Variants in CABP1 observed in about 807,000 individuals in gnomAD.
CABP1 encodes calcium-binding protein 1.
In CABP1, 17 loss-of-function variants were observed where a neutral mutation model predicts 34.3. That is an observed-to-expected ratio of 0.50 (90% CI 0.34 to 0.74). CABP1 has a LOEUF of 0.74. Among genes scored for constraint, CABP1 ranks in the 30% least tolerant of loss-of-function variants. CABP1 has a pLI of 0.01. For missense variants in CABP1, 373 were observed against 511.1 expected (o/e 0.73, Z 2.61); for synonymous variants, 198 against 229.2 (o/e 0.86, Z 1.23).
rs60127123 is a variant in CABP1, at chr12:120,647,636, C to G, written c.654+6297C>G. 2.3e-3 allele frequency among the ~76,000 whole-genome samples: 328 copies of G among 143,872 alleles called. 9 individuals are homozygous for G. The East Asian group carries it at 0.057, about 25-fold the overall frequency. 94.4% of individuals were successfully genotyped at this position (143,872 alleles called of 152,430 possible). A position where few individuals can be genotyped will look rare whatever the true frequency, so the allele number is the denominator to read the frequency against. ...AGCCTGGAGTGCAATGACGCGATCTCGACTCACTGCAATCTCCGCCTCCCG... is the reference window on the plus strand; with the variant it reads ...AGCCTGGAGTGCAATGACGCGATCTGGACTCACTGCAATCTCCGCCTCCCG... On this transcript the variant is annotated intron_variant, in intron 1 of 5. Coordinates refer to ENST00000316803, the MANE Select transcript of CABP1 (RefSeq NM_001033677.2).
downstream of CABP1, among the ~76,000 whole-genome samples, chr12:120,671,070 G>A (rs937676290): frequency 6.6e-6 from 1 of 152,132 alleles, no homozygotes; most frequent in African/African-American, 2.4e-5. Context: ...TGGGTGTGGG[G>A]AGGAATGGAC....
rs1881056184 is a variant in CABP1, at chr12:120,667,160, G to C, written c.*260G>C. 1 of 571,280 alleles carries C rather than the reference G, an allele frequency of 1.8e-6. No individual in the cohort carries two copies. Among genetic ancestry groups the C allele is most frequent in the Non-Finnish European group, 3.1e-6 (1 of 318,928 alleles). 35.4% of individuals were successfully genotyped at this position (571,280 alleles called of 1,614,324 possible). On this transcript the variant is annotated 3_prime_UTR_variant, in exon 6 of 6. Coordinates refer to ENST00000316803, the MANE Select transcript of CABP1 (RefSeq NM_001033677.2). ...GGCAGAGGTCATGCCAGGCGCCAAG[G>C]GCCATGTGCCCAGCTGCTGCTGGCT...
chr12:120,660,317 G>A lies in CABP1; in HGVS notation c.807G>A (p.Leu269=), dbSNP rs2137361812. ...YMPTEMELIE[L]SQQINMNLGG... ...CCACCGAGATGGAGCTCATCGAACT[G>A]TCCCAGCAGATCAACATGAACCGTG... is the stretch of plus-strand genomic sequence containing the variant. Residue 269 remains leucine (L), a synonymous_variant, in exon 3 of 6, where the codon CTG becomes CTA. Coordinates refer to ENST00000316803, the MANE Select transcript of CABP1 (RefSeq NM_001033677.2). The surrounding 1 kb of genome is among the most constrained non-coding windows in gnomAD (Gnocchi z 5.0). 1.9e-6 allele frequency: 3 copies of A among 1,613,562 alleles called. No homozygotes were observed. The highest frequency in any genetic ancestry group is 2.5e-6 in the Non-Finnish European group (3 of 1,179,992).
chr12:120,675,424 T>A, the CABP1 span, among the ~76,000 whole-genome samples: 2 of 152,240 alleles, frequency 1.3e-5, no homozygotes, highest in Non-Finnish European at 2.9e-5. Context: ...CCTTGCATAA[T>A]GCTTAGTGGA....
At chr12:120,664,922 T>C (rs374277314) in intron 5 of CABP1, among the ~76,000 whole-genome samples, 2 of 149,630 alleles carry the variant, frequency 1.3e-5, no homozygotes, top group Non-Finnish European at 3.0e-5. Context: ...TATCTAGTCA[T>C]GAAAAGACAT....
chr12:120,646,972 C>A (rs1879566882), intron 1 of CABP1, among the ~76,000 whole-genome samples: 1 of 152,180 alleles, frequency 6.6e-6, no homozygotes, highest in Non-Finnish European at 1.5e-5. Context: ...CTGCACCTGC[C>A]CCCAAAGCAG....
chr12:120,665,210 G>A (rs532298757), intron 5 of CABP1, among the ~76,000 whole-genome samples: 2 of 151,714 alleles, frequency 1.3e-5, no homozygotes, highest in Non-Finnish European at 2.9e-5. Context: ...ATCACTTGAG[G>A]TCAGGAGTTC....
In CABP1 at chr12:120,650,833, C is replaced by G. The variant is rs528795217; in HGVS notation, c.655-9045C>G. The G allele has an allele frequency of 2.5e-5, 19 of 773,278 alleles. No homozygotes were observed. In the African/African-American group the frequency reaches 2.6e-4, roughly 11 times the overall value. 47.9% of individuals were successfully genotyped at this position (773,278 alleles called of 1,614,324 possible). On this transcript the variant is annotated intron_variant, in intron 1 of 5. Coordinates refer to ENST00000316803, the MANE Select transcript of CABP1 (RefSeq NM_001033677.2). Reference sequence around the variant, plus strand: ...TGCCTCCCTGCTTCTACCCCAAACACCCTCCTATTGCCGTTTTCTGTGTCC... The same window carrying G: ...TGCCTCCCTGCTTCTACCCCAAACAGCCTCCTATTGCCGTTTTCTGTGTCC...
Position 120,667,031 on chromosome 12 carries a change from G to A in CABP1, c.*131G>A. 8.8e-7 allele frequency: 1 copy of A among 1,134,500 alleles called. No homozygotes were observed. The highest frequency in any genetic ancestry group is 1.3e-6 in the Non-Finnish European group (1 of 786,812). 70.3% of individuals were successfully genotyped at this position (1,134,500 alleles called of 1,614,324 possible). ...CGGATGGGGCCTGCCTGCACCCCGG[G>A]GAGGCGCCCACCCCGGACCCCCACC... On this transcript the variant is annotated 3_prime_UTR_variant, in exon 6 of 6. Coordinates refer to ENST00000316803, the MANE Select transcript of CABP1 (RefSeq NM_001033677.2).
In CABP1 at chr12:120,641,442, A is replaced by G; in HGVS notation, c.654+103A>G. 3 of 1,171,422 alleles carry G rather than the reference A, an allele frequency of 2.6e-6. No homozygotes were observed. The highest frequency in any genetic ancestry group is 3.2e-6 in the Non-Finnish European group (3 of 931,962). The allele number at this position is 1,171,422 out of a possible 1,614,324, so 72.6% of individuals were successfully genotyped here. On this transcript the variant is annotated intron_variant, in intron 1 of 5. Coordinates refer to ENST00000316803, the MANE Select transcript of CABP1 (RefSeq NM_001033677.2). The surrounding 1 kb of genome is among the most constrained non-coding windows in gnomAD (Gnocchi z 6.7). ...CTCCTCCCGCGGCCCGTGGTCCCCCACGGATCACGCCTCGGCTCACCTCGT... is the reference window on the plus strand; with the variant it reads ...CTCCTCCCGCGGCCCGTGGTCCCCCGCGGATCACGCCTCGGCTCACCTCGT...
intron 1 of CABP1, among the ~76,000 whole-genome samples, chr12:120,642,078 A>G (rs1015410269): frequency 6.6e-6 from 1 of 152,146 alleles, no homozygotes; most frequent in African/African-American, 2.4e-5. Flanking sequence ...GCAGCTCCGT[A>G]GTCACAATAT....
the CABP1 span, among the ~76,000 whole-genome samples, chr12:120,677,186 C>T: frequency 6.7e-6 from 1 of 149,988 alleles, no homozygotes; most frequent in South Asian, 2.2e-4. Context: ...CTCCCGGGCT[C>T]AAGCGACTCT....
the CABP1 span, among the ~76,000 whole-genome samples, chr12:120,673,164 TG>T: frequency 6.6e-6 from 1 of 152,182 alleles, no homozygotes; most frequent in Non-Finnish European, 1.5e-5. Flanking sequence ...GAGGAGCTTC[TG>T]GGGTGTCTGA....
intron 1 of CABP1, among the ~76,000 whole-genome samples, chr12:120,646,540 G>A (rs1481627273): frequency 1.3e-5 from 2 of 152,186 alleles, no homozygotes; most frequent in South Asian, 4.2e-4. Context: ...GAAGAGACAA[G>A]GTCTTGCTCT....
Position 120,641,284 on chromosome 12 carries a change from A to G in CABP1, c.599A>G (p.Glu200Gly). 7.6e-7 allele frequency: 1 copy of G among 1,318,612 alleles called. No individual in the cohort carries two copies. The highest frequency in any genetic ancestry group is 2.0e-5 in the South Asian group (1 of 48,782). The allele number at this position is 1,318,612 out of a possible 1,614,324, so 81.7% of individuals were successfully genotyped here. The change falls in exon 1 of 6, where the codon GAG (glutamate) becomes GGG (glycine). Residue 200 changes from glutamate to glycine, a missense_variant. This residue lies in a region of CABP1 where 121 missense variants were observed against 125.5 expected (regional missense o/e 0.96). Transcript: ENST00000316803. This position sits in a 1 kb window ranked among gnomAD's most constrained non-coding sequence, Gnocchi z 6.7. ...GACTCCGTTCCAGCCGCCGCGTCCG[A>G]GGCGGACCCGTTCCTCCACCGGCTG... ...RGDSVPAAAS[E>G]ADPFLHRLRP...
In CABP1 at chr12:120,661,760, T is replaced by C. The variant is rs1162532359; in HGVS notation, c.1087+542T>C. ...ATTCATCTATCTGTCCATCTTTCCA[T>C]ATCTATCTCTCCATTTTTCATCTGT... On this transcript the variant is annotated intron_variant, in intron 5 of 5. Transcript: ENST00000316803. The surrounding 1 kb of genome is among the most constrained non-coding windows in gnomAD (Gnocchi z 5.1). The C allele has an allele frequency of 1.3e-5, 2 of 154,910 alleles. No individual in the cohort carries two copies. Among genetic ancestry groups the C allele is most frequent in the Non-Finnish European group, 2.9e-5 (2 of 69,722 alleles). 9.6% of individuals were successfully genotyped at this position (154,910 alleles called of 1,614,324 possible).
intron 1 of CABP1, chr12:120,656,260 G>A (rs1037327439): frequency 4.1e-5 from 64 of 1,559,802 alleles, no homozygotes; most frequent in Non-Finnish European, 5.3e-5. Context: ...GCTTCGCTGA[G>A]AACAGGCAGC....
In CABP1 at chr12:120,641,198, G is replaced by A; in HGVS notation, c.513G>A (p.Glu171=). ...PLPPARGRDG[E]ERGLSPALGL... ...CGCCGGCCCGCGGGCGGGATGGGGA[G>A]GAACGGGGACTGTCCCCGGCGCTCG... The change falls in exon 1 of 6, where the codon GAG becomes GAA. Residue 171 remains glutamate (E), a synonymous_variant. Transcript: ENST00000316803. This position sits in a 1 kb window ranked among gnomAD's most constrained non-coding sequence, Gnocchi z 6.7. The A allele has an allele frequency of 1.6e-6, 2 of 1,244,760 alleles. No homozygotes were observed. Among genetic ancestry groups the A allele is most frequent in the Non-Finnish European group, 2.0e-6 (2 of 996,114 alleles). 77.1% of individuals were successfully genotyped at this position (1,244,760 alleles called of 1,614,324 possible). A position where few individuals can be genotyped will look rare whatever the true frequency, so the allele number is the denominator to read the frequency against.
At chr12:120,678,072 TC>T in the CABP1 span, among the ~76,000 whole-genome samples, 1 of 152,088 alleles carries the variant, frequency 6.6e-6, no homozygotes, top group Non-Finnish European at 1.5e-5. Context: ...GTGGTCTAAC[TC>T]CCAGAGGCCC....
Sources: allele counts gnomAD v4.1 joint callset (sites outside exome capture counted in the v4.1 genomes callset), GRCh38; gene constraint gnomAD v4.1.1; regional missense constraint gnomAD v4.1.1; non-coding constraint Gnocchi (gnomAD v3.1); transcripts MANE v1.5; gene names NCBI Gene and HGNC (gene_info 2026-07-23, HGNC 2026-07-21).